CLEC19A: variants seen among roughly 807,000 people sequenced by gnomAD.
CLEC19A encodes the protein C-type lectin domain family 19 member A.
In CLEC19A, 21 loss-of-function variants were observed where a neutral mutation model predicts 26.1. The ratio of observed to expected loss-of-function variants is 0.80; its 90% CI spans 0.57 to 1.16. CLEC19A has a LOEUF of 1.16. Among genes scored for constraint, CLEC19A ranks in the 50% most tolerant of loss-of-function variants. CLEC19A has a pLI of 0.00. For missense variants in CLEC19A, 224 were observed against 227.6 expected, an observed-to-expected ratio of 0.98 and a Z score of 0.10; for synonymous variants, 89 against 88.6, an observed-to-expected ratio of 1.00 and a Z score of -0.03.
At chr16:19,288,409 A>C (rs1231213430) in intron 1 of CLEC19A, among the ~76,000 whole-genome samples, 1 of 152,108 alleles carries the variant, frequency 6.6e-6, no homozygotes, top group Non-Finnish European at 1.5e-5. Flanking sequence ...TTGGTTTTTC[A>C]TCTTCTTCTG....
In CLEC19A at chr16:19,298,703, G is replaced by T; in HGVS notation, c.119G>T (p.Cys40Phe). Residue 40 changes from cysteine (C) to phenylalanine (F), a missense_variant, in exon 2 of 5, where the codon TGC becomes TTC. By Grantham distance (205) the Cys-to-Phe change is radical. Coordinates refer to ENST00000636231, the MANE Select transcript of CLEC19A (RefSeq NM_001256720.2). ...CCAGAGCTGCCCCTGCCTTCCCTGTGCCCCCTGTTCTGGATGGAGTTCAAA... is the reference window on the plus strand; with the variant it reads ...CCAGAGCTGCCCCTGCCTTCCCTGTTCCCCCTGTTCTGGATGGAGTTCAAA... ...ALPELPLPSL[C>F]PLFWMEFKGH... 1 of 1,551,030 alleles carries T rather than the reference G, an allele frequency of 6.4e-7. No homozygotes were observed. The highest frequency in any genetic ancestry group is 8.7e-7 in the Non-Finnish European group (1 of 1,147,076).
At chr16:19,296,836 AC>A (rs1897714462) in intron 1 of CLEC19A, among the ~76,000 whole-genome samples, 1 of 152,152 alleles carries the variant, frequency 6.6e-6, no homozygotes. Flanking sequence ...ACCTTCACCC[AC>A]CCCTGAGTGG....
At chr16:19,301,934 G>A (rs557631842) in intron 2 of CLEC19A, among the ~76,000 whole-genome samples, 1 of 151,782 alleles carries the variant, frequency 6.6e-6, no homozygotes, top group South Asian at 2.1e-4. Flanking sequence ...AAGTGATCAT[G>A]CCTCTAAAGT....
At chr16:19,300,233 T>C (rs1156786286) in intron 2 of CLEC19A, among the ~76,000 whole-genome samples, 1 of 150,300 alleles carries the variant, frequency 6.7e-6, no homozygotes, top group African/African-American at 2.4e-5. Flanking sequence ...CAAAAATAAA[T>C]AAATAAATAA....
At chr16:19,293,024 G>A (rs1897622753) in intron 1 of CLEC19A, among the ~76,000 whole-genome samples, 1 of 152,074 alleles carries the variant, frequency 6.6e-6, no homozygotes, top group Admixed American at 6.5e-5. Flanking sequence ...CATGGGAGAA[G>A]GTCAAAAAGA....
intron 3 of CLEC19A, among the ~76,000 whole-genome samples, chr16:19,305,773 A>G (rs1897939547): frequency 6.6e-6 from 1 of 152,156 alleles, no homozygotes; most frequent in African/African-American, 2.4e-5. Flanking sequence ...GATGATGAAT[A>G]TTGCTCTTAA....
intron 1 of CLEC19A, among the ~76,000 whole-genome samples, chr16:19,288,397 G>A (rs566643088): frequency 6.6e-6 from 1 of 152,198 alleles, no homozygotes; most frequent in South Asian, 2.1e-4. Context: ...TTGAGAATAG[G>A]CTTGGTTTTT....
chr16:19,308,623 C>T (rs1898004643), intron 4 of CLEC19A, among the ~76,000 whole-genome samples: 1 of 152,186 alleles, frequency 6.6e-6, no homozygotes, highest in South Asian at 2.1e-4. Context: ...AGTAGTGGAG[C>T]TGGGTTTCAA....
At chr16:19,297,131 T>G (rs1897721709) in intron 1 of CLEC19A, among the ~76,000 whole-genome samples, 1 of 152,194 alleles carries the variant, frequency 6.6e-6, no homozygotes, top group Admixed American at 6.5e-5. Context: ...GGCTGAGACT[T>G]GAGAGAACTT....
At chr16:19,288,301 G>T (rs1198597207) in intron 1 of CLEC19A, among the ~76,000 whole-genome samples, 1 of 152,190 alleles carries the variant, frequency 6.6e-6, no homozygotes, top group African/African-American at 2.4e-5. Flanking sequence ...AGGAGCGTGT[G>T]TGTTGGTATG....
intron 4 of CLEC19A, 64 bp downstream of exon 4, chr16:19,307,741 C>T (rs559910402): frequency 2.4e-5 from 37 of 1,534,108 alleles, no homozygotes; most frequent in Middle Eastern, 2.3e-4. Flanking sequence ...GTGGGGAGAG[C>T]GGAGAAGGGC....
In CLEC19A at chr16:19,309,129, G is replaced by C; in HGVS notation, c.*46G>C. On this transcript the variant is annotated 3_prime_UTR_variant, in exon 5 of 5. Coordinates refer to ENST00000636231, the MANE Select transcript of CLEC19A (RefSeq NM_001256720.2). ...GTGAGCTCAACTCTAGTATCATCTTGTAGCTGTAACCAGTGTAGAATTGAC... is the reference window on the plus strand; with the variant it reads ...GTGAGCTCAACTCTAGTATCATCTTCTAGCTGTAACCAGTGTAGAATTGAC... 4 of 1,388,532 alleles carry C rather than the reference G, an allele frequency of 2.9e-6. No homozygotes were observed. Among genetic ancestry groups the C allele is most frequent in the Non-Finnish European group, 4.0e-6 (4 of 1,001,004 alleles). 86.0% of individuals were successfully genotyped at this position (1,388,532 alleles called of 1,614,324 possible).
chr16:19,301,282 C>A (rs575006512), intron 2 of CLEC19A, among the ~76,000 whole-genome samples: 3 of 152,268 alleles, frequency 2.0e-5, no homozygotes, highest in South Asian at 4.1e-4. Context: ...GGGCTACAAG[C>A]TGTCAAGGAT....
chr16:19,303,979 A>C, intron 2 of CLEC19A, 83 bp from the exon 3 acceptor site: 1 of 1,180,496 alleles, frequency 8.5e-7, no homozygotes, highest in Non-Finnish European at 1.2e-6. Flanking sequence ...CAGGAAGGTA[A>C]ATATGGATTG....
chr16:19,301,742 T>G (rs1213562266), intron 2 of CLEC19A, among the ~76,000 whole-genome samples: 7 of 100,534 alleles, frequency 7.0e-5, no homozygotes, highest in Admixed American at 1.0e-4. Context: ...TTTGGTTTTT[T>G]TTTTTTTTTT....
At chr16:19,304,203 T>A (rs1244152800) in intron 3 of CLEC19A, 48 bp downstream of exon 3, 4 of 1,478,770 alleles carry the variant, frequency 2.7e-6, no homozygotes, top group Non-Finnish European at 3.7e-6. Context: ...CCAGCCAGGA[T>A]TCTATTTTGA....
chr16:19,300,632 T>A (rs1897800530), intron 2 of CLEC19A, among the ~76,000 whole-genome samples: 1 of 152,138 alleles, frequency 6.6e-6, no homozygotes, highest in Non-Finnish European at 1.5e-5. Context: ...CTCCAACAGA[T>A]GTATTGAACA....
At chr16:19,295,877 C>T (rs1314750590) in intron 1 of CLEC19A, among the ~76,000 whole-genome samples, 1 of 152,202 alleles carries the variant, frequency 6.6e-6, no homozygotes, top group Non-Finnish European at 1.5e-5. Context: ...AGCTCAGCAA[C>T]ACCCAGCGTT....
chr16:19,301,774 G>T (rs182579547), intron 2 of CLEC19A, among the ~76,000 whole-genome samples: 12 of 32,006 alleles, frequency 3.7e-4, no homozygotes, highest in African/African-American at 1.1e-3. Context: ...TGTATTTTTA[G>T]CAGAGACGGA....
Sources: allele counts gnomAD v4.1 joint callset (sites outside exome capture counted in the v4.1 genomes callset), GRCh38; gene constraint gnomAD v4.1.1; transcripts MANE v1.5; gene names NCBI Gene and HGNC (gene_info 2026-07-23, HGNC 2026-07-21).